The following TBCE variants were observed in gnomAD, a reference collection of about 807,000 sequenced individuals.
The protein encoded by TBCE is tubulin-specific chaperone E.
TBCE carries 53 observed loss-of-function variants against 77.0 expected under a neutral mutation model. That is an observed-to-expected ratio of 0.69 (90% confidence interval 0.55 to 0.87). The LOEUF (loss-of-function observed/expected upper bound fraction) is 0.87, where lower values mean the gene tolerates loss of function less well. Among genes scored for constraint, TBCE ranks in the 40% least tolerant of loss-of-function variants. The pLI, the probability that TBCE is intolerant of heterozygous loss-of-function variation, is 0.00. For synonymous variants in TBCE, 235 were observed against 241.3 expected (o/e 0.97, Z 0.24); for missense variants, 624 against 622.4 (o/e 1.00, Z -0.03).
chr1:235,448,412 A>C lies in TBCE; in HGVS notation c.1463A>C (p.Asp488Ala). The change falls in exon 16 of 17, where the codon GAC (aspartate) becomes GCC (alanine). Residue 488 changes from aspartate (D) to alanine (A), a missense_variant. By Grantham distance (126) the Asp-to-Ala change is moderately radical. Transcript: ENST00000642610. ...LSRLLKVPVS[D>A]LLLSYESPKK... ...CGTCTTCTCAAAGTTCCTGTGTCAG[A>C]CCTTCTGTTGTCCTATGAAAGTCCC... 1 of 1,614,060 alleles carries C rather than the reference A, an allele frequency of 6.2e-7. No homozygotes were observed. Among genetic ancestry groups the C allele is most frequent in the Non-Finnish European group, 8.5e-7 (1 of 1,179,980 alleles).
chr1:235,433,996 C>A (rs956946469), intron 7 of TBCE: 3 of 603,948 alleles, frequency 5.0e-6, no homozygotes, highest in Admixed American at 2.7e-5. Flanking sequence ...ACAGTGTGTG[C>A]TCCCACAGCA....
intron 2 of TBCE, among the ~76,000 whole-genome samples, chr1:235,387,532 G>T (rs543330711): frequency 6.6e-6 from 1 of 152,202 alleles, no homozygotes; most frequent in African/African-American, 2.4e-5. Flanking sequence ...CCGCGCTGCT[G>T]CCTTGCAGTT....
At chr1:235,420,342 T>G (rs76096327) in intron 5 of TBCE, among the ~76,000 whole-genome samples, 1 of 149,764 alleles carries the variant, frequency 6.7e-6, no homozygotes, top group Non-Finnish European at 1.5e-5. Context: ...TGAGATGGAG[T>G]CTTGCTCTGT....
At chr1:235,439,319 G>C (rs1407661396) in intron 13 of TBCE, among the ~76,000 whole-genome samples, 1 of 133,066 alleles carries the variant, frequency 7.5e-6, no homozygotes, top group African/African-American at 2.9e-5. Context: ...GTGAAACCCC[G>C]TCCCTACTAA....
chr1:235,433,312 C>T (rs141105492), intron 7 of TBCE: 142 of 489,508 alleles, frequency 2.9e-4, no homozygotes, highest in African/African-American at 2.7e-3. Flanking sequence ...CCTCTGCCTC[C>T]TGGGCCAAAA....
intron 15 of TBCE, among the ~76,000 whole-genome samples, chr1:235,444,331 T>C (rs535507978): frequency 6.6e-6 from 1 of 152,356 alleles, no homozygotes; most frequent in African/African-American, 2.4e-5. Context: ...TATTCTGTTT[T>C]CAAACTTAGA....
At chr1:235,371,156 A>G in intron 1 of TBCE, among the ~76,000 whole-genome samples, 1 of 140,214 alleles carries the variant, frequency 7.1e-6, no homozygotes. Context: ...TCCTGGCTTC[A>G]AGCAATTCTG....
At chr1:235,414,401 T>C (rs780703181) in intron 3 of TBCE, 32 bp from the exon 4 acceptor site, 2 of 1,610,348 alleles carry the variant, frequency 1.2e-6, no homozygotes, top group Admixed American at 3.3e-5. Context: ...GTGGGTAATA[T>C]TTTCTGTGTT....
chr1:235,420,251 C>G (rs1344299433), intron 5 of TBCE, among the ~76,000 whole-genome samples: 1 of 151,988 alleles, frequency 6.6e-6, no homozygotes, highest in East Asian at 1.9e-4. Context: ...GGAACCTGGG[C>G]TGCTGACTGT....
At chr1:235,419,600 T>C (rs907268292) in intron 5 of TBCE, 39 bp downstream of exon 5, 10 of 1,612,646 alleles carry the variant, frequency 6.2e-6, no homozygotes, top group Non-Finnish European at 8.5e-6. Context: ...GGAATCTGAC[T>C]ATGGATTTTA....
intron 2 of TBCE, among the ~76,000 whole-genome samples, chr1:235,397,174 C>T (rs1472609393): frequency 1.3e-5 from 2 of 150,214 alleles, no homozygotes; most frequent in Non-Finnish European, 3.0e-5. Flanking sequence ...GGGGTTTCAC[C>T]ACGTTGGCCA....
At chr1:235,410,783 T>C (rs977669326) in intron 3 of TBCE, among the ~76,000 whole-genome samples, 1 of 152,218 alleles carries the variant, frequency 6.6e-6, no homozygotes, top group African/African-American at 2.4e-5. Context: ...AACTTCTTTA[T>C]GCTGAACAGG....
In TBCE at chr1:235,449,078, A is replaced by AGT; in HGVS notation, c.*316_*317insGT. The AGT allele has an allele frequency of 3.0e-6, 1 of 328,352 alleles. No individual in the cohort carries two copies. Among genetic ancestry groups the AGT allele is most frequent in the Admixed American group, 4.5e-5 (1 of 22,402 alleles). The allele number at this position is 328,352 out of a possible 1,614,324, so 20.3% of individuals were successfully genotyped here. A position where few individuals can be genotyped will look rare whatever the true frequency, so the allele number is the denominator to read the frequency against. ...CTAGCTAGCCTAATAAAATCTGAAC[A>AGT]CAGTTAATATCTGTCATAAGACTAG... On this transcript the variant is annotated 3_prime_UTR_variant, in exon 17 of 17. Coordinates refer to ENST00000642610, the MANE Select transcript of TBCE (RefSeq NM_003193.5).
intron 1 of TBCE, among the ~76,000 whole-genome samples, chr1:235,376,698 C>G (rs533550464): frequency 6.6e-6 from 1 of 151,892 alleles, no homozygotes. Flanking sequence ...CTAAACTGGC[C>G]GGCACAGTGG....
At chr1:235,397,119 G>A (rs762782687) in intron 2 of TBCE, among the ~76,000 whole-genome samples, 1 of 151,348 alleles carries the variant, frequency 6.6e-6, no homozygotes, top group Non-Finnish European at 1.5e-5. Context: ...GGACTACAGG[G>A]GTGCGCCACC....
At position 235,449,100 on chromosome 1, in the gene TBCE, C is replaced by CTAGTT. The variant is rs1395302329; in HGVS notation, c.*340_*344dup. The stretch of plus-strand genomic sequence containing the variant: ...AACACAGTTAATATCTGTCATAAGA[C>CTAGTT]TAGTTTTAATGGAATTCTCTATTGA... On this transcript the variant is annotated 3_prime_UTR_variant, in exon 17 of 17. Coordinates refer to ENST00000642610, the MANE Select transcript of TBCE (RefSeq NM_003193.5). 1.0e-5 allele frequency: 3 copies of CTAGTT among 294,142 alleles called. No homozygotes were observed. The highest frequency in any genetic ancestry group is 6.6e-5 in the African/African-American group (3 of 45,238). The allele number at this position is 294,142 out of a possible 1,614,324, so 18.2% of individuals were successfully genotyped here.
chr1:235,406,729 A>G (rs928787817), intron 3 of TBCE, among the ~76,000 whole-genome samples: 1 of 149,956 alleles, frequency 6.7e-6, no homozygotes, highest in African/African-American at 2.5e-5. Context: ...ATGGGGTTTC[A>G]CCATATTGGC....
intron 8 of TBCE, among the ~76,000 whole-genome samples, chr1:235,434,517 G>A (rs112188037): frequency 7.3e-5 from 11 of 150,404 alleles, no homozygotes; most frequent in African/African-American, 2.5e-4. Flanking sequence ...TTGCATCAGT[G>A]TATTAACTTG....
At position 235,401,616 on chromosome 1, in the gene TBCE, C is replaced by CATTTAGTCAA. The variant is rs752180812; in HGVS notation, c.185+30_185+39dup. ...ACTTTTCATTATGAATCAGCACGGT[C>CATTTAGTCAA]ATTTAGTCAAGATTATATTTAATAC... On this transcript the variant is annotated intron_variant, in intron 3 of 16. Coordinates refer to ENST00000642610, the MANE Select transcript of TBCE (RefSeq NM_003193.5). 4 of 1,556,626 alleles carry CATTTAGTCAA rather than the reference C, an allele frequency of 2.6e-6. No individual in the cohort carries two copies. In the African/African-American group the frequency reaches 5.4e-5, roughly 21 times the overall value.
Sources: allele counts gnomAD v4.1 joint callset (sites outside exome capture counted in the v4.1 genomes callset), GRCh38; gene constraint gnomAD v4.1.1; transcripts MANE v1.5; gene names NCBI Gene and HGNC (gene_info 2026-07-23, HGNC 2026-07-21).